WSCD2: variants seen among roughly 807,000 people sequenced by gnomAD.
WSCD2 encodes the protein WSC domain sialate O sulfotransferase 2, also known as sialate:O-sulfotransferase 2.
In WSCD2, 28 loss-of-function variants were observed where a neutral mutation model predicts 55.7. The observed-to-expected ratio is 0.50, with a 90% CI of 0.37 to 0.69. The LOEUF is 0.69. Among genes scored for constraint, WSCD2 ranks in the 30% least tolerant of loss-of-function variants. WSCD2 has a pLI of 0.00. For missense variants in WSCD2, 616 were observed against 762.1 expected, an observed-to-expected ratio of 0.81 and a Z score of 2.26; for synonymous variants, 301 against 301.9, an observed-to-expected ratio of 1.00 and a Z score of 0.03.
rs558906673 is a variant in WSCD2 at position 108,248,162 on chromosome 12, G to A, written c.1517G>A (p.Arg506Gln). ...CTGGGCGTGGCTGTCAGGGAGGACC[G>A]GCTGCTCTGTGTGGAGAGCCAGAAG... ...SLLGVAVRED[R>Q]LLCVESQKDG... is the part of the protein sequence containing the mutation. Residue 506 changes from arginine (R) to glutamine (Q), a missense_variant, in exon 9 of 9, where the codon CGG becomes CAG. Around this residue, in one of 3 missense-constraint regions of WSCD2, gnomAD observed 234 missense variants for 264.6 expected, o/e 0.88. Transcript: ENST00000547525. The surrounding 1 kb of genome is among the most constrained non-coding windows in gnomAD (Gnocchi z 4.3). 57 of 1,614,198 alleles carry A rather than the reference G, an allele frequency of 3.5e-5. 1 individual carries two copies. The highest frequency in any genetic ancestry group is 1.6e-4 in the Middle Eastern group (1 of 6,062).
At chr12:108,241,893 T>A (rs567307335) in intron 8 of WSCD2, among the ~76,000 whole-genome samples, 1 of 152,276 alleles carries the variant, frequency 6.6e-6, no homozygotes, top group East Asian at 1.9e-4. Context: ...AAAGCTGGGG[T>A]TGGGAGAAGT....
intron 2 of WSCD2, among the ~76,000 whole-genome samples, chr12:108,202,287 A>G (rs1354784870): frequency 1.3e-5 from 2 of 152,208 alleles, no homozygotes; most frequent in Non-Finnish European, 2.9e-5. Flanking sequence ...ATCCTGATCC[A>G]TGGAGCTCAG....
At chr12:108,215,732 T>C (rs894658194) in intron 4 of WSCD2, among the ~76,000 whole-genome samples, 2 of 152,198 alleles carry the variant, frequency 1.3e-5, no homozygotes, top group African/African-American at 4.8e-5. Flanking sequence ...TGGTGGCTTC[T>C]TTCAAACCAA....
Position 108,221,678 on chromosome 12 carries a change from C to T in WSCD2, c.683-3061C>T, listed in dbSNP as rs78322600. 9.4e-3 allele frequency among the ~76,000 whole-genome samples: 1,430 copies of T among 152,352 alleles called. 24 individuals carry two copies. Among genetic ancestry groups the T allele is most frequent in the African/African-American group, 0.033 (1,385 of 41,572 alleles). On this transcript the variant is annotated intron_variant, in intron 4 of 8. Transcript: ENST00000547525. ...GGCTGTCCTGTACAGAACAGGCATG[C>T]ACATTTCTGGCCCCAAACTTTCAAG... is the stretch of plus-strand genomic sequence containing the variant.
At chr12:108,240,786 C>G (rs1889680657) in intron 8 of WSCD2, among the ~76,000 whole-genome samples, 1 of 152,204 alleles carries the variant, frequency 6.6e-6, no homozygotes, top group African/African-American at 2.4e-5. Flanking sequence ...TGCTGCATCG[C>G]ACAGGGGATT....
At chr12:108,174,738 A>C (rs1237830323) in intron 1 of WSCD2, among the ~76,000 whole-genome samples, 1 of 152,310 alleles carries the variant, frequency 6.6e-6, no homozygotes, top group East Asian at 1.9e-4. Context: ...CCTCAGCCTC[A>C]TGAGTAGCTA....
At chr12:108,152,523 G>A (rs1420397344) in intron 1 of WSCD2, among the ~76,000 whole-genome samples, 1 of 152,150 alleles carries the variant, frequency 6.6e-6, no homozygotes, top group Admixed American at 6.5e-5. Flanking sequence ...TGCATTTTCA[G>A]GGTGAGCCAC....
intron 1 of WSCD2, among the ~76,000 whole-genome samples, chr12:108,152,932 G>C (rs1213707224): frequency 6.6e-6 from 1 of 152,120 alleles, no homozygotes; most frequent in East Asian, 1.9e-4. Flanking sequence ...GTGAAACCCT[G>C]TCTCTACTAA....
At chr12:108,139,297 GGC>G (rs1375723600) in intron 1 of WSCD2, among the ~76,000 whole-genome samples, 1 of 152,198 alleles carries the variant, frequency 6.6e-6, no homozygotes, top group African/African-American at 2.4e-5. Context: ...GAGAATTTAT[GGC>G]TGAATGACTT....
intron 1 of WSCD2, among the ~76,000 whole-genome samples, chr12:108,137,926 T>C (rs1402810731): frequency 2.0e-5 from 3 of 152,200 alleles, no homozygotes; most frequent in African/African-American, 7.2e-5. Flanking sequence ...GAATATTCTT[T>C]GAAATCAGGC....
chr12:108,188,367 A>G (rs1882771014), intron 1 of WSCD2, among the ~76,000 whole-genome samples: 1 of 152,176 alleles, frequency 6.6e-6, no homozygotes, highest in Non-Finnish European at 1.5e-5. Flanking sequence ...GTTGTGTCAA[A>G]GATTCTGCAG....
At chr12:108,193,912 A>C (rs908143518) in intron 1 of WSCD2, among the ~76,000 whole-genome samples, 1 of 152,210 alleles carries the variant, frequency 6.6e-6, no homozygotes, top group Non-Finnish European at 1.5e-5. Context: ...GGCAGACTCT[A>C]CCTTAAACCA....
At chr12:108,172,143 G>A (rs972056328) in intron 1 of WSCD2, among the ~76,000 whole-genome samples, 5 of 152,288 alleles carry the variant, frequency 3.3e-5, no homozygotes, top group Admixed American at 6.5e-5. Context: ...AAGGAGTACC[G>A]TGATCAATAT....
At chr12:108,161,624 C>G (rs187049750) in intron 1 of WSCD2, among the ~76,000 whole-genome samples, 104 of 152,348 alleles carry the variant, frequency 6.8e-4, no homozygotes, top group Middle Eastern at 6.8e-3. Flanking sequence ...GCTCCAGAAC[C>G]AGGAGAGAAT....
intron 4 of WSCD2, 87 bp from the exon 5 acceptor site, chr12:108,224,652 T>C: frequency 6.5e-7 from 1 of 1,528,638 alleles, no homozygotes; most frequent in Non-Finnish European, 8.8e-7. Flanking sequence ...ACTCTTGCCT[T>C]CTCTGAGCTT....
intron 6 of WSCD2, among the ~76,000 whole-genome samples, chr12:108,228,148 C>T (rs1033146835): frequency 6.6e-6 from 1 of 152,146 alleles, no homozygotes; most frequent in Non-Finnish European, 1.5e-5. Context: ...TTTCTCCTGA[C>T]CGAGGTATCA....
intron 1 of WSCD2, among the ~76,000 whole-genome samples, chr12:108,155,841 C>T (rs1175684087): frequency 6.6e-6 from 1 of 152,168 alleles, no homozygotes; most frequent in Non-Finnish European, 1.5e-5. Context: ...CCCATATTGT[C>T]TGGGAAGATG....
intron 4 of WSCD2, among the ~76,000 whole-genome samples, chr12:108,212,448 A>G (rs1886314915): frequency 6.6e-6 from 1 of 152,124 alleles, no homozygotes; most frequent in Non-Finnish European, 1.5e-5. Context: ...GTTAATGTTC[A>G]GGTTGGCTGA....
chr12:108,207,533 CTTTTTTTTTTTTT>C (rs35090663), intron 3 of WSCD2, among the ~76,000 whole-genome samples: 6 of 53,626 alleles, frequency 1.1e-4, no homozygotes, highest in African/African-American at 4.3e-4. Context: ...CCATGCCTGG[CTTTTTTTTTTTTT>C]TTTTTTTTTT....
Sources: gnomAD v4.1 joint callset for allele counts (sites outside exome capture counted in the v4.1 genomes callset) on GRCh38, gnomAD v4.1.1 for gene constraint, gnomAD v4.1.1 regional missense constraint, Gnocchi (gnomAD v3.1) non-coding constraint, MANE v1.5 for transcripts, NCBI Gene and HGNC (gene_info 2026-07-23, HGNC 2026-07-21) for gene names.